Variants in XPO4 observed in about 807,000 individuals in gnomAD.
The protein encoded by XPO4 is exportin-4.
A neutral mutation model predicts 143.0 loss-of-function variants in XPO4; 39 were observed. That is an observed-to-expected ratio of 0.27 (90% CI 0.21 to 0.36). The LOEUF (loss-of-function observed/expected upper bound fraction) is 0.36. Ranked by LOEUF, XPO4 falls within the 10% of genes least tolerant of loss-of-function variation. XPO4 has a pLI of 1.00. For missense variants in XPO4, 907 were observed against 1,348.0 expected, an observed-to-expected ratio of 0.67 and a Z score of 5.12; for synonymous variants, 439 against 474.0, an observed-to-expected ratio of 0.93 and a Z score of 0.96.
At position 20,821,754 on chromosome 13, in the gene XPO4, G is replaced by A. The variant is rs762363414; in HGVS notation, c.1123C>T (p.Leu375Phe). 1.9e-5 allele frequency: 31 copies of A among 1,614,014 alleles called. No homozygotes were observed. The highest frequency in any genetic ancestry group is 1.7e-4 in the African/African-American group (13 of 75,050). Reference sequence around the variant, plus strand: ...CCAAAAGAACAAGTGAGGTGTGTGAGGCAGTTAACAAAGGAGGAGAAAAGT... The same window carrying A: ...CCAAAAGAACAAGTGAGGTGTGTGAAGCAGTTAACAAAGGAGGAGAAAAGT... ...SELFSSFVNCLTHLTCSFGRS... is the reference protein window; with the variant it reads ...SELFSSFVNCFTHLTCSFGRS... Residue 375 changes from leucine to phenylalanine, a missense_variant, in exon 9 of 23, where the codon CTC becomes TTC. Physicochemically the swap from Leu to Phe is conservative, Grantham distance 22. Transcript: ENST00000255305.
At chr13:20,841,180 T>G (rs1345153093) in intron 6 of XPO4, among the ~76,000 whole-genome samples, 1 of 152,212 alleles carries the variant, frequency 6.6e-6, no homozygotes, top group Non-Finnish European at 1.5e-5. Context: ...TAGCTCCATA[T>G]GGACTGCTAA....
rs958506454 is a variant in XPO4 at position 20,779,060 on chromosome 13, G to A, written c.*4662C>T. The A allele has an allele frequency of 6.6e-5, 10 of 152,078 alleles. No homozygotes were observed. Among genetic ancestry groups the A allele is most frequent in the Non-Finnish European group, 1.3e-4 (9 of 68,018 alleles). 9.4% of individuals were successfully genotyped at this position (152,078 alleles called of 1,614,324 possible). A position where few individuals can be genotyped will look rare whatever the true frequency, so the allele number is the denominator to read the frequency against. On this transcript the variant is annotated 3_prime_UTR_variant, in exon 23 of 23. Coordinates refer to ENST00000255305, the MANE Select transcript of XPO4 (RefSeq NM_022459.5). ...GCAATTTTATACCTTCATTAGTTAT[G>A]TTAATAGAGGTAAATATTTAAACAG...
intron 2 of XPO4, chr13:20,868,277 C>T (rs1454945634): frequency 5.1e-6 from 1 of 195,362 alleles, no homozygotes; most frequent in South Asian, 1.0e-4. Flanking sequence ...AGTACATACC[C>T]TGTAATAAAT....
chr13:20,869,198 A>G (rs2060271144), intron 1 of XPO4, among the ~76,000 whole-genome samples: 1 of 152,210 alleles, frequency 6.6e-6, no homozygotes, highest in Admixed American at 6.5e-5. Flanking sequence ...CTATCAAACC[A>G]GAAAAATTTG....
Position 20,843,574 on chromosome 13 carries a change from A to C in XPO4, c.573+196T>G, listed in dbSNP as rs192404241. Among the ~76,000 whole-genome samples, 50 of 151,894 alleles carry C rather than the reference A, an allele frequency of 3.3e-4. 1 individual carries two copies. Among genetic ancestry groups the C allele is most frequent in the Non-Finnish European group, 5.7e-4 (39 of 68,036 alleles). On this transcript the variant is annotated intron_variant, in intron 5 of 22. Coordinates refer to ENST00000255305, the MANE Select transcript of XPO4 (RefSeq NM_022459.5). Reference sequence around the variant, plus strand: ...AAGTATTGTTTTTAAGACTAGAATTAAACAAGTAATTTTAAACCATCAACT... The same window carrying C: ...AAGTATTGTTTTTAAGACTAGAATTCAACAAGTAATTTTAAACCATCAACT...
In XPO4 at chr13:20,851,014, A is replaced by T. The variant is rs150864919; in HGVS notation, c.456+4613T>A. 21 of 985,354 alleles carry T rather than the reference A, an allele frequency of 2.1e-5. No individual in the cohort carries two copies. In the East Asian group the frequency reaches 2.3e-3, roughly 107 times the overall value. The allele number at this position is 985,354 out of a possible 1,614,324, so 61.0% of individuals were successfully genotyped here. ...AGTCACCTTTATAAAGAAAGTTTAT[A>T]GCCAATACTAAATCAATGTTCTGAT... On this transcript the variant is annotated intron_variant, in intron 4 of 22. Coordinates refer to ENST00000255305, the MANE Select transcript of XPO4 (RefSeq NM_022459.5).
intron 9 of XPO4, among the ~76,000 whole-genome samples, chr13:20,810,899 T>C (rs760878462): frequency 6.6e-6 from 1 of 152,162 alleles, no homozygotes; most frequent in Non-Finnish European, 1.5e-5. Flanking sequence ...TGAATTAAAG[T>C]GTTACACCAA....
At chr13:20,890,499 G>A (rs115281297) in intron 1 of XPO4, among the ~76,000 whole-genome samples, 219 of 151,340 alleles carry the variant, frequency 1.4e-3, no homozygotes, top group African/African-American at 5.1e-3. Context: ...CAAATCAGAA[G>A]AAATACGCAA....
chr13:20,868,552 C>A (rs1312910295), intron 2 of XPO4, 44 bp downstream of exon 2: 2 of 1,590,572 alleles, frequency 1.3e-6, no homozygotes, highest in Non-Finnish European at 1.7e-6. Flanking sequence ...AAACCCAGAT[C>A]TGATTATGCC....
intron 3 of XPO4, among the ~76,000 whole-genome samples, chr13:20,857,401 T>A (rs1384858411): frequency 6.6e-6 from 1 of 152,188 alleles, no homozygotes; most frequent in Non-Finnish European, 1.5e-5. Flanking sequence ...CTAATCCCCA[T>A]GATACTACTA....
At chr13:20,876,872 T>C (rs1370676053) in intron 1 of XPO4, among the ~76,000 whole-genome samples, 1 of 152,160 alleles carries the variant, frequency 6.6e-6, no homozygotes, top group African/African-American at 2.4e-5. Flanking sequence ...AGAACAAAAC[T>C]TCCACATCGT....
intron 1 of XPO4, among the ~76,000 whole-genome samples, chr13:20,889,043 C>T (rs2060487767): frequency 6.6e-6 from 1 of 151,904 alleles, no homozygotes; most frequent in Non-Finnish European, 1.5e-5. Context: ...GAACTCCTGA[C>T]CTCAAGTGAT....
intron 9 of XPO4, among the ~76,000 whole-genome samples, chr13:20,811,323 T>G (rs1326942141): frequency 1.3e-5 from 2 of 150,678 alleles, no homozygotes; most frequent in East Asian, 3.9e-4. Context: ...AGTCTCGCTC[T>G]GTTACCCAGG....
At chr13:20,828,800 C>T (rs1389599823) in intron 6 of XPO4, among the ~76,000 whole-genome samples, 1 of 152,130 alleles carries the variant, frequency 6.6e-6, no homozygotes. Context: ...AAAATCAGCC[C>T]GTGAACCCTA....
intron 6 of XPO4, among the ~76,000 whole-genome samples, chr13:20,837,542 T>A (rs1042498909): frequency 6.6e-6 from 1 of 151,988 alleles, no homozygotes; most frequent in Admixed American, 6.6e-5. Flanking sequence ...AATAATTGGG[T>A]CTACAGGTGT....
intron 1 of XPO4, among the ~76,000 whole-genome samples, chr13:20,883,733 T>G (rs1279814523): frequency 6.6e-6 from 1 of 152,186 alleles, no homozygotes; most frequent in Non-Finnish European, 1.5e-5. Context: ...TGATCTTGAA[T>G]GCAAAAGACT....
At chr13:20,861,931 G>C (rs1320059921) in intron 3 of XPO4, among the ~76,000 whole-genome samples, 1 of 151,882 alleles carries the variant, frequency 6.6e-6, no homozygotes, top group African/African-American at 2.4e-5. Flanking sequence ...TGGGACTAGA[G>C]GCGTGTGCCA....
At position 20,800,267 on chromosome 13, in the gene XPO4, A is replaced by G. The variant is rs367849206; in HGVS notation, c.2036T>C (p.Ile679Thr). Residue 679 changes from isoleucine to threonine, a missense_variant, in exon 15 of 23, where the codon ATT becomes ACT. By Grantham distance (89) the Ile-to-Thr change is moderately conservative. Transcript: ENST00000255305. ...GATGACTTTTTGTAAGAGGTAGCCA[A>G]TTATCCACTGAGAACCCTCTGTATC... The part of the protein sequence containing the change: ...GADTEGSQWI[I>T]GYLLQKVISN... 6.6e-5 allele frequency: 107 copies of G among 1,614,158 alleles called. No homozygotes were observed. Among genetic ancestry groups the G allele is most frequent in the Non-Finnish European group, 8.1e-5 (95 of 1,180,010 alleles).
In XPO4 at chr13:20,787,338, C is replaced by A; in HGVS notation, c.3165+143G>T. Reference sequence around the variant, plus strand: ...AATGTGTCCATGAAGAGCTGATCTCCAGAAAAAAACAGTGAACAGGAAGTC... The same window carrying A: ...AATGTGTCCATGAAGAGCTGATCTCAAGAAAAAAACAGTGAACAGGAAGTC... On this transcript the variant is annotated intron_variant, in intron 21 of 22. Coordinates refer to ENST00000255305, the MANE Select transcript of XPO4 (RefSeq NM_022459.5). 4 of 784,270 alleles carry A rather than the reference C, an allele frequency of 5.1e-6. No homozygotes were observed. The South Asian group carries it at 7.0e-5, about 14-fold the overall frequency. The allele number at this position is 784,270 out of a possible 1,614,324, so 48.6% of individuals were successfully genotyped here. A position where few individuals can be genotyped will look rare whatever the true frequency, so the allele number is the denominator to read the frequency against.
Sources: gnomAD v4.1 joint callset for allele counts (sites outside exome capture counted in the v4.1 genomes callset) on GRCh38, gnomAD v4.1.1 for gene constraint, MANE v1.5 for transcripts, NCBI Gene and HGNC (gene_info 2026-07-23, HGNC 2026-07-21) for gene names.